The following SLC25A17 variants were observed in gnomAD, a reference collection of about 807,000 sequenced individuals.
SLC25A17 encodes peroxisomal membrane protein PMP34.
In SLC25A17, 26 loss-of-function variants were observed where a neutral mutation model predicts 38.5. The observed-to-expected ratio is 0.68, with a 90% CI of 0.50 to 0.94. The LOEUF is 0.94. SLC25A17 is among the 40% of genes least tolerant of loss of function. The pLI is 0.00. For synonymous variants in SLC25A17, 139 were observed against 136.2 expected (o/e 1.02, Z -0.14); for missense variants, 333 against 372.7 (o/e 0.89, Z 0.88).
chr22:40,793,178 A>G (rs1467885969), intron 3 of SLC25A17, among the ~76,000 whole-genome samples: 2 of 152,326 alleles, frequency 1.3e-5, no homozygotes, highest in African/African-American at 4.8e-5. Flanking sequence ...AACCATTGAA[A>G]AATAGACATT....
chr22:40,809,073 T>C (rs1032242069), intron 1 of SLC25A17, among the ~76,000 whole-genome samples: 1 of 152,184 alleles, frequency 6.6e-6, no homozygotes, highest in African/African-American at 2.4e-5. Flanking sequence ...AAATATAGCT[T>C]ATGTATGTTA....
At chr22:40,812,885 A>G (rs1381451276) in intron 1 of SLC25A17, among the ~76,000 whole-genome samples, 1 of 152,088 alleles carries the variant, frequency 6.6e-6, no homozygotes, top group Non-Finnish European at 1.5e-5. Context: ...TAAAAATTTA[A>G]AAAAATTTTT....
In SLC25A17 at chr22:40,790,875, A is replaced by G. The variant is rs112123157; in HGVS notation, c.334+1650T>C. Among the ~76,000 whole-genome samples, 149 of 152,372 alleles carry G rather than the reference A, an allele frequency of 9.8e-4. 2 individuals are homozygous for G. Among genetic ancestry groups the G allele is most frequent in the African/African-American group, 3.5e-3 (146 of 41,594 alleles). On this transcript the variant is annotated intron_variant, in intron 4 of 8. Transcript: ENST00000435456. ...ACAAATAACTGGTCTCAAGTATAGAAGATCCCACTAGATTGCCATTTGTTG... is the reference window on the plus strand; with the variant it reads ...ACAAATAACTGGTCTCAAGTATAGAGGATCCCACTAGATTGCCATTTGTTG...
At chr22:40,771,775 A>G (rs2057185927) in intron 8 of SLC25A17, among the ~76,000 whole-genome samples, 1 of 152,188 alleles carries the variant, frequency 6.6e-6, no homozygotes, top group Non-Finnish European at 1.5e-5. Flanking sequence ...TAGTTTGAAT[A>G]AGACCTAGTA....
In SLC25A17 at chr22:40,794,677, T is replaced by A. The variant is rs571694387; in HGVS notation, c.116-97A>T. 1,540 of 564,748 alleles carry A rather than the reference T, an allele frequency of 2.7e-3. 7 individuals are homozygous for A. Among genetic ancestry groups the A allele is most frequent in the Non-Finnish European group, 4.0e-3 (1,326 of 330,264 alleles). 35.0% of individuals were successfully genotyped at this position (564,748 alleles called of 1,614,324 possible). On this transcript the variant is annotated intron_variant, in intron 2 of 8. Coordinates refer to ENST00000435456, the MANE Select transcript of SLC25A17 (RefSeq NM_006358.4). ...CTCTGTCGCCCAGGCTGGAGTGCAG[T>A]GGCGTGATCTCAGCTCACTGCAACC...
chr22:40,810,634 A>T (rs1397839020), intron 1 of SLC25A17, among the ~76,000 whole-genome samples: 1 of 152,216 alleles, frequency 6.6e-6, no homozygotes, highest in African/African-American at 2.4e-5. Context: ...GGCGTAAGCC[A>T]CCGAGCATTA....
In SLC25A17 at chr22:40,773,530, T is replaced by C. The variant is rs866634019; in HGVS notation, c.776+407A>G. ...ACTCTTACCAACACCACCATCATCA[T>C]TATCATCATCATCATCACTATTATC... is the stretch of plus-strand genomic sequence containing the variant. On this transcript the variant is annotated intron_variant, in intron 8 of 8. Coordinates refer to ENST00000435456, the MANE Select transcript of SLC25A17 (RefSeq NM_006358.4). Among the ~76,000 whole-genome samples, 8 of 152,058 alleles carry C rather than the reference T, an allele frequency of 5.3e-5. No homozygotes were observed. In the South Asian group the frequency reaches 1.7e-3, roughly 32 times the overall value.
chr22:40,772,491 C>T (rs879716493), intron 8 of SLC25A17, among the ~76,000 whole-genome samples: 10 of 151,644 alleles, frequency 6.6e-5, no homozygotes, highest in South Asian at 4.2e-4. Context: ...TGTGTAGAGA[C>T]GGGGTCTCAC....
chr22:40,772,678 C>A (rs973458062), intron 8 of SLC25A17, among the ~76,000 whole-genome samples: 3 of 151,798 alleles, frequency 2.0e-5, no homozygotes, highest in Non-Finnish European at 4.4e-5. Context: ...CCTCTTTAGC[C>A]CAGGCTGGAG....
intron 8 of SLC25A17, among the ~76,000 whole-genome samples, chr22:40,772,812 T>C (rs573872030): frequency 6.6e-6 from 1 of 152,130 alleles, no homozygotes; most frequent in African/African-American, 2.4e-5. Flanking sequence ...ATTTTGTAAA[T>C]ATTTTTTGTA....
intron 1 of SLC25A17, among the ~76,000 whole-genome samples, chr22:40,805,629 TAA>T (rs1178424096): frequency 6.6e-6 from 1 of 152,028 alleles, no homozygotes; most frequent in Non-Finnish European, 1.5e-5. Flanking sequence ...CTGATGAGCT[TAA>T]AAAAAGTTCT....
chr22:40,802,288 T>C (rs568406266), intron 1 of SLC25A17, among the ~76,000 whole-genome samples: 6 of 152,232 alleles, frequency 3.9e-5, no homozygotes, highest in African/African-American at 1.4e-4. Flanking sequence ...AACACCAAGA[T>C]AAAGAGAACA....
intron 1 of SLC25A17, among the ~76,000 whole-genome samples, chr22:40,804,709 C>T (rs1339680445): frequency 6.6e-6 from 1 of 152,090 alleles, no homozygotes; most frequent in Non-Finnish European, 1.5e-5. Flanking sequence ...TTACGCCCAG[C>T]CTGAAGTGTT....
At position 40,779,135 on chromosome 22, in the gene SLC25A17, G is replaced by A. The variant is rs2057273418; in HGVS notation, c.335-10C>T. On this transcript the variant is annotated splice_polypyrimidine_tract_variant and intron_variant, in intron 4 of 8. Coordinates refer to ENST00000435456, the MANE Select transcript of SLC25A17 (RefSeq NM_006358.4). Reference sequence around the variant, plus strand: ...AACACATTAACCACTCCTTTAACAAGAAAGATGGAGAGAAAAAGGGAAGGC... The same window carrying A: ...AACACATTAACCACTCCTTTAACAAAAAAGATGGAGAGAAAAAGGGAAGGC... The A allele has an allele frequency of 1.2e-6, 2 of 1,614,138 alleles. No individual in the cohort carries two copies. The highest frequency in any genetic ancestry group is 1.7e-6 in the Non-Finnish European group (2 of 1,180,028).
chr22:40,790,266 A>G (rs550242774), intron 4 of SLC25A17, among the ~76,000 whole-genome samples: 26 of 148,534 alleles, frequency 1.8e-4, no homozygotes, highest in Non-Finnish European at 3.7e-4. Context: ...GCTTGAACCC[A>G]GGAGGTGGAG....
chr22:40,775,961 A>T (rs1011365414), intron 7 of SLC25A17, among the ~76,000 whole-genome samples: 1 of 152,184 alleles, frequency 6.6e-6, no homozygotes, highest in African/African-American at 2.4e-5. Context: ...CAGCATGAGA[A>T]TGGACTAACA....
intron 4 of SLC25A17, among the ~76,000 whole-genome samples, chr22:40,791,084 A>G (rs766660112): frequency 6.6e-6 from 1 of 152,214 alleles, no homozygotes; most frequent in Non-Finnish European, 1.5e-5. Flanking sequence ...AGATCAGACT[A>G]TAGTGCAATA....
At chr22:40,795,669 C>T (rs1201180541) in intron 2 of SLC25A17, among the ~76,000 whole-genome samples, 19 of 152,170 alleles carry the variant, frequency 1.2e-4, no homozygotes. Context: ...CTCATTTTAG[C>T]ATCTTATAAA....
chr22:40,792,790 C>T lies in SLC25A17; in HGVS notation c.183-114G>A, dbSNP rs551318618. On this transcript the variant is annotated intron_variant, in intron 3 of 8. Transcript: ENST00000435456. ...CATGGTCTCAAGCTTCACTCCTACA[C>T]GAATACAAGGGACTCCAAACTGTAC... 66 of 1,015,964 alleles carry T rather than the reference C, an allele frequency of 6.5e-5. No homozygotes were observed. In the East Asian group the frequency reaches 8.7e-4, roughly 13 times the overall value. The allele number at this position is 1,015,964 out of a possible 1,614,324, so 62.9% of individuals were successfully genotyped here.
Sources: allele counts gnomAD v4.1 joint callset (sites outside exome capture counted in the v4.1 genomes callset), GRCh38; gene constraint gnomAD v4.1.1; transcripts MANE v1.5; gene names NCBI Gene and HGNC (gene_info 2026-07-23, HGNC 2026-07-21).